The following MSR1 variants were observed in gnomAD, a reference collection of about 807,000 sequenced individuals.
MSR1 encodes the protein macrophage scavenger receptor 1, also known as macrophage scavenger receptor types I and II.
In MSR1, 53 loss-of-function variants were observed where a neutral mutation model predicts 47.2. That is an observed-to-expected ratio of 1.12 (90% CI 0.90 to 1.41). MSR1 has a LOEUF of 1.41. Among genes scored for constraint, MSR1 ranks in the 40% most tolerant of loss-of-function variants. The pLI is 0.00. For synonymous variants in MSR1, 239 were observed against 185.6 expected, an observed-to-expected ratio of 1.29 and a Z score of -2.34; for missense variants, 786 against 546.9, an observed-to-expected ratio of 1.44 and a Z score of -4.36.
At chr8:16,185,672 G>A (rs778640001) in intron 1 of MSR1, among the ~76,000 whole-genome samples, 10 of 151,792 alleles carry the variant, frequency 6.6e-5, no homozygotes, top group South Asian at 2.1e-4. Context: ...TTTGGACTTC[G>A]GCTTATTTTT....
chr8:16,112,426 G>A (rs984933897), intron 9 of MSR1, among the ~76,000 whole-genome samples: 1 of 152,096 alleles, frequency 6.6e-6, no homozygotes, highest in African/African-American at 2.4e-5. Flanking sequence ...TTAAAGCTTA[G>A]TGATATTCAT....
intron 1 of MSR1, among the ~76,000 whole-genome samples, chr8:16,181,423 G>C (rs1801828600): frequency 6.6e-6 from 1 of 152,078 alleles, no homozygotes; most frequent in South Asian, 2.1e-4. Flanking sequence ...TGATAGATTG[G>C]ATAAAGAAAA....
chr8:16,176,867 T>C lies in MSR1; in HGVS notation c.103+1019A>G, dbSNP rs917017124. The stretch of plus-strand genomic sequence containing the variant: ...CCTTTACACAGAGCACAAGATCCAC[T>C]GTGCCCTGGAGTTGAGGTCTGTATT... On this transcript the variant is annotated intron_variant, in intron 2 of 9. Transcript: ENST00000262101. Among the ~76,000 whole-genome samples the C allele has an allele frequency of 2.0e-4, 31 of 152,180 alleles. 1 individual carries two copies. The highest frequency in any genetic ancestry group is 1.5e-5 in the Non-Finnish European group (1 of 68,038).
At chr8:16,171,307 T>C (rs1801481098) in intron 3 of MSR1, among the ~76,000 whole-genome samples, 2 of 151,430 alleles carry the variant, frequency 1.3e-5, no homozygotes, top group South Asian at 4.2e-4. Flanking sequence ...AGTGTCATCC[T>C]AAATATGCAG....
intron 1 of MSR1, among the ~76,000 whole-genome samples, chr8:16,190,360 T>C (rs893118454): frequency 5.3e-5 from 8 of 152,190 alleles, no homozygotes; most frequent in African/African-American, 1.4e-4. Flanking sequence ...TCCAGACTTA[T>C]ATGTGAATAT....
intron 8 of MSR1, among the ~76,000 whole-genome samples, chr8:16,136,224 C>G (rs963860787): frequency 6.6e-6 from 1 of 152,146 alleles, no homozygotes; most frequent in African/African-American, 2.4e-5. Context: ...ACTCCATCAA[C>G]GTGGCATATT....
At chr8:16,140,857 G>T in intron 8 of MSR1, 1 of 1,583,434 alleles carries the variant, frequency 6.3e-7, no homozygotes, top group South Asian at 1.2e-5. Flanking sequence ...AGGCCATGTG[G>T]AAGTCAGGTA....
At chr8:16,134,246 G>T (rs1018004923) in intron 8 of MSR1, among the ~76,000 whole-genome samples, 4 of 152,062 alleles carry the variant, frequency 2.6e-5, no homozygotes, top group African/African-American at 7.2e-5. Flanking sequence ...TTTTTAAATA[G>T]ATACCTTATT....
intron 8 of MSR1, chr8:16,140,288 A>G: frequency 1.0e-6 from 1 of 985,030 alleles, no homozygotes; most frequent in African/African-American, 1.7e-5. Flanking sequence ...AAAACAAGAA[A>G]AAGAAAAAAA....
chr8:16,180,737 T>C (rs73205096), intron 1 of MSR1, among the ~76,000 whole-genome samples: 3,052 of 152,232 alleles, frequency 0.02, 47 homozygotes, highest in Middle Eastern at 0.037. Context: ...TGCAAGGATA[T>C]GACTCAACTC....
intron 8 of MSR1, chr8:16,139,904 T>G (rs1488717820): frequency 2.5e-6 from 1 of 401,278 alleles, no homozygotes; most frequent in Non-Finnish European, 3.4e-6. Context: ...ATTAAAATTT[T>G]TTTATCTCCT....
chr8:16,126,691 G>T (rs1800136320), intron 8 of MSR1, among the ~76,000 whole-genome samples: 1 of 152,270 alleles, frequency 6.6e-6, no homozygotes, highest in South Asian at 2.1e-4. Context: ...AAGCCAGGGA[G>T]ACAAGTATTT....
Position 16,108,351 on chromosome 8 carries a change from G to C in MSR1, c.*1734C>G, listed in dbSNP as rs1198844008. ...GTTAACACTAATAGTTAATACTATT[G>C]ACAACCCATAGGCACTGATTTCAGA... On this transcript the variant is annotated 3_prime_UTR_variant, in exon 10 of 10. Coordinates refer to ENST00000262101, the MANE Select transcript of MSR1 (RefSeq NM_138715.3). 1 of 148,968 alleles carries C rather than the reference G, an allele frequency of 6.7e-6. No homozygotes were observed. The highest frequency in any genetic ancestry group is 2.0e-4 in the East Asian group (1 of 5,008). 9.2% of individuals were successfully genotyped at this position (148,968 alleles called of 1,614,324 possible).
At chr8:16,136,793 G>A (rs1421589442) in intron 8 of MSR1, among the ~76,000 whole-genome samples, 1 of 152,060 alleles carries the variant, frequency 6.6e-6, no homozygotes, top group South Asian at 2.1e-4. Flanking sequence ...GGTAGAGACA[G>A]GGTTTCACCA....
chr8:16,120,870 CAGATTATA>C, intron 8 of MSR1: 5 of 479,382 alleles, frequency 1.0e-5, no homozygotes, highest in Non-Finnish European at 1.9e-5. Context: ...GGACACGTCA[CAGATTATA>C]TTCCAACGAG....
At chr8:16,115,843 C>A (rs1451082433) in intron 9 of MSR1, among the ~76,000 whole-genome samples, 3 of 151,930 alleles carry the variant, frequency 2.0e-5, no homozygotes, top group Non-Finnish European at 4.4e-5. Flanking sequence ...AAAAAATTAG[C>A]CAGGTATGTG....
At chr8:16,158,683 G>C (rs1755161846) in intron 5 of MSR1, among the ~76,000 whole-genome samples, 1 of 151,594 alleles carries the variant, frequency 6.6e-6, no homozygotes, top group Non-Finnish European at 1.5e-5. Context: ...TAATCTGGAA[G>C]ACACTTTAAA....
At chr8:16,157,865 G>A (rs1447023007) in intron 5 of MSR1, among the ~76,000 whole-genome samples, 1 of 151,724 alleles carries the variant, frequency 6.6e-6, no homozygotes, top group African/African-American at 2.4e-5. Flanking sequence ...CCTCAGTGTT[G>A]GCTTTCTTCT....
chr8:16,131,276 G>A (rs1237034021), intron 8 of MSR1, among the ~76,000 whole-genome samples: 1 of 152,040 alleles, frequency 6.6e-6, no homozygotes, highest in Admixed American at 6.6e-5. Flanking sequence ...TTGGCCACGT[G>A]TACGTCTTCC....
Sources: gnomAD v4.1 joint callset for allele counts (sites outside exome capture counted in the v4.1 genomes callset) on GRCh38, gnomAD v4.1.1 for gene constraint, MANE v1.5 for transcripts, NCBI Gene and HGNC (gene_info 2026-07-23, HGNC 2026-07-21) for gene names.